The following SLIT2 variants were observed in gnomAD, a reference collection of about 807,000 sequenced individuals.
SLIT2 encodes slit homolog 2 protein.
Under a neutral mutation model 185.7 loss-of-function variants are expected in SLIT2, and 41 were observed. The ratio of observed to expected loss-of-function variants is 0.22; its 90% CI spans 0.17 to 0.29. The LOEUF (loss-of-function observed/expected upper bound fraction) is 0.29. SLIT2 is among the 10% of genes least tolerant of loss of function. The pLI is 1.00. For missense variants in SLIT2, 1,571 were observed against 1,909.0 expected, an observed-to-expected ratio of 0.82 and a Z score of 3.30; for synonymous variants, 693 against 680.2, an observed-to-expected ratio of 1.02 and a Z score of -0.29.
At chr4:20,393,245 TTGC>T (rs1725584060) in intron 4 of SLIT2, 1 of 152,096 alleles carries the variant, frequency 6.6e-6, no homozygotes, top group African/African-American at 2.4e-5. Context: ...GAGAACTTTC[TTGC>T]TGATACCGTT....
intron 4 of SLIT2, among the ~76,000 whole-genome samples, chr4:20,293,813 C>G (rs529698438): frequency 6.6e-6 from 1 of 152,254 alleles, no homozygotes; most frequent in South Asian, 2.1e-4. Context: ...TTGCCTGGCC[C>G]GTGGAGAGAG....
At chr4:20,501,533 C>T (rs1378905874) in intron 9 of SLIT2, among the ~76,000 whole-genome samples, 1 of 152,152 alleles carries the variant, frequency 6.6e-6, no homozygotes, top group African/African-American at 2.4e-5. Flanking sequence ...ATCTGCCTGC[C>T]TCGGCCTCTC....
In SLIT2 at chr4:20,338,722, C is replaced by A. The variant is rs534168632; in HGVS notation, c.395+69841C>A. Among the ~76,000 whole-genome samples the A allele has an allele frequency of 2.0e-5, 3 of 152,158 alleles. No homozygotes were observed. In the East Asian group the frequency reaches 5.8e-4, roughly 29 times the overall value. On this transcript the variant is annotated intron_variant, in intron 4 of 36. Coordinates refer to ENST00000504154, the MANE Select transcript of SLIT2 (RefSeq NM_004787.4). ...TGCTGGGAGACAGCAGGGAGGGGTT[C>A]TTTTATTATATACACAATCTCTTCT...
chr4:20,276,977 C>T (rs1274869835), intron 4 of SLIT2, among the ~76,000 whole-genome samples: 1 of 152,158 alleles, frequency 6.6e-6, no homozygotes, highest in Non-Finnish European at 1.5e-5. Flanking sequence ...ACCTAGGTCA[C>T]TGGGCGATGG....
rs1054465536 is a variant in SLIT2 at position 20,280,633 on chromosome 4, C to T, written c.395+11752C>T. Among the ~76,000 whole-genome samples, 69 of 151,890 alleles carry T rather than the reference C, an allele frequency of 4.5e-4. 1 individual carries two copies. The highest frequency in any genetic ancestry group is 8.8e-5 in the Non-Finnish European group (6 of 67,996). On this transcript the variant is annotated intron_variant, in intron 4 of 36. Transcript: ENST00000504154. ...AAAATACATCTAAGATGTGTTCTCT[C>T]TGTTTTTCAAAAATTTACAGGGAAC...
chr4:20,491,197 G>T (rs1318878129), intron 8 of SLIT2, among the ~76,000 whole-genome samples: 1 of 152,116 alleles, frequency 6.6e-6, no homozygotes, highest in Non-Finnish European at 1.5e-5. Context: ...TTATTATTAT[G>T]ATTTCAGATA....
At chr4:20,504,214 T>C (rs1400724411) in intron 9 of SLIT2, among the ~76,000 whole-genome samples, 1 of 152,172 alleles carries the variant, frequency 6.6e-6, no homozygotes, top group East Asian at 1.9e-4. Flanking sequence ...GGGCCAATCT[T>C]ACCTATGAGG....
rs964756712 is a variant in SLIT2, at chr4:20,490,729, TA to T, written c.776-1029del. The T allele has an allele frequency of 1.2e-4, 127 of 1,054,962 alleles. No individual in the cohort carries two copies. In the African/African-American group the frequency reaches 1.7e-3, roughly 14 times the overall value. 65.4% of individuals were successfully genotyped at this position (1,054,962 alleles called of 1,614,324 possible). A position where few individuals can be genotyped will look rare whatever the true frequency, so the allele number is the denominator to read the frequency against. On this transcript the variant is annotated intron_variant, in intron 8 of 36. Transcript: ENST00000504154. ...ATGTCTGATTGCTTTTTTAAAAAAT[TA>T]AATAATGAAATGACTAACAGTTCGT...
At chr4:20,560,862 A>T (rs1317364781) in intron 26 of SLIT2, among the ~76,000 whole-genome samples, 2 of 151,914 alleles carry the variant, frequency 1.3e-5, no homozygotes, top group African/African-American at 4.8e-5. Context: ...TGTTCAAGGC[A>T]CTGTGTCTAG....
intron 4 of SLIT2, among the ~76,000 whole-genome samples, chr4:20,275,793 CAAAA>C (rs905335048): frequency 6.6e-6 from 1 of 151,930 alleles, no homozygotes; most frequent in African/African-American, 2.4e-5. Flanking sequence ...CAGATAGAAA[CAAAA>C]AGACTGTGAC....
Position 20,533,670 on chromosome 4 carries a change from A to G in SLIT2, c.1787A>G (p.Asn596Ser). 6.2e-7 allele frequency: 1 copy of G among 1,613,904 alleles called. No homozygotes were observed. Among genetic ancestry groups the G allele is most frequent in the African/African-American group, 1.3e-5 (1 of 75,032 alleles). ...EILLTSNRLENVQHKMFKGLE... is the reference protein window; with the variant it reads ...EILLTSNRLESVQHKMFKGLE... ...CTTCTTACGAGTAATCGTTTGGAAA[A>G]TGTGCAGCATAAGATGTTCAAGGGA... Residue 596 changes from asparagine to serine, a missense_variant, in exon 18 of 37, where the codon AAT (asparagine) becomes AGT (serine). By Grantham distance (46) the Asn-to-Ser change is conservative (BLOSUM62 1). Coordinates refer to ENST00000504154, the MANE Select transcript of SLIT2 (RefSeq NM_004787.4).
rs913575933 is a variant in SLIT2 at position 20,444,015 on chromosome 4, G to A, written c.396-23737G>A. On this transcript the variant is annotated intron_variant, in intron 4 of 36. Coordinates refer to ENST00000504154, the MANE Select transcript of SLIT2 (RefSeq NM_004787.4). The stretch of plus-strand genomic sequence containing the variant: ...ACGAGTTAAACAAATGCTGGAAGGG[G>A]TATGTATTAATATGCACTCAAAGGA... Among the ~76,000 whole-genome samples the A allele has an allele frequency of 1.7e-4, 26 of 152,262 alleles. No homozygotes were observed. The South Asian group carries it at 2.3e-3, about 13-fold the overall frequency.
Position 20,610,157 on chromosome 4 carries a change from C to T in SLIT2, c.3837C>T (p.Leu1279=). 6.2e-7 allele frequency: 1 copy of T among 1,612,822 alleles called. No homozygotes were observed. ...CCACTCTGAATTTTGACTCTCCACT[C>T]TATGTAGGAGGTAAGCTGTCTTCCA... ...KQSTLNFDSP[L]YVGGMPGKSN... The change falls in exon 34 of 37, where the codon CTC becomes CTT. Residue 1279 remains leucine (L), a synonymous_variant. Transcript: ENST00000504154.
At chr4:20,455,357 G>T (rs73252414) in intron 4 of SLIT2, among the ~76,000 whole-genome samples, 6,935 of 152,094 alleles carry the variant, frequency 0.046, 251 homozygotes, top group Non-Finnish European at 0.072. Flanking sequence ...ATCTAAAAAG[G>T]GTTGAGACAT....
Position 20,524,182 on chromosome 4 carries a change from T to A in SLIT2, c.1438+5T>A, listed in dbSNP as rs1435301888. The A allele has an allele frequency of 6.2e-7, 1 of 1,613,782 alleles. No individual in the cohort carries two copies. The highest frequency in any genetic ancestry group is 1.7e-5 in the Admixed American group (1 of 60,014). ...GCAAGAAATTCCGTTGTTCAGGTAA[T>A]TTCTTCACGTGTTATTTCCCCTGTG... On this transcript the variant is annotated splice_donor_5th_base_variant and intron_variant, in intron 14 of 36. Coordinates refer to ENST00000504154, the MANE Select transcript of SLIT2 (RefSeq NM_004787.4).
chr4:20,570,759 A>C (rs1303573609), intron 29 of SLIT2, among the ~76,000 whole-genome samples: 1 of 114,188 alleles, frequency 8.8e-6, no homozygotes, highest in African/African-American at 3.2e-5. Flanking sequence ...ATATATATAT[A>C]TATTTCCTGA....
intron 4 of SLIT2, among the ~76,000 whole-genome samples, chr4:20,451,743 C>A (rs535624209): frequency 5.9e-5 from 9 of 152,226 alleles, no homozygotes; most frequent in Non-Finnish European, 1.3e-4. Context: ...AGTAGTTGGG[C>A]AGAATTGATT....
At chr4:20,555,448 T>G (rs1241718492) in intron 26 of SLIT2, among the ~76,000 whole-genome samples, 1 of 152,106 alleles carries the variant, frequency 6.6e-6, no homozygotes, top group Admixed American at 6.5e-5. Flanking sequence ...TTCCTCATTG[T>G]AAGCAAAGGT....
At chr4:20,255,023 G>GTTC (rs1206586473) in intron 1 of SLIT2, 1 of 456,328 alleles carries the variant, frequency 2.2e-6, no homozygotes, top group South Asian at 1.5e-5. Flanking sequence ...CATGGAGGCC[G>GTTC]TTCTCTTTGT....
Sources: allele counts gnomAD v4.1 joint callset (sites outside exome capture counted in the v4.1 genomes callset), GRCh38; gene constraint gnomAD v4.1.1; transcripts MANE v1.5; gene names NCBI Gene and HGNC (gene_info 2026-07-23, HGNC 2026-07-21).